RUNX1: variants seen among roughly 807,000 people sequenced by gnomAD.
RUNX1 encodes runt-related transcription factor 1.
Under a neutral mutation model 42.8 loss-of-function variants are expected in RUNX1, and 19 were observed. The observed-to-expected ratio is 0.44, with a 90% CI of 0.31 to 0.65. The LOEUF (loss-of-function observed/expected upper bound fraction) is 0.65, where lower values mean the gene tolerates loss of function less well. Ranked by LOEUF, RUNX1 falls within the 30% of genes least tolerant of loss-of-function variation. RUNX1 has a pLI of 0.07. For synonymous variants in RUNX1, 271 were observed against 289.4 expected, an observed-to-expected ratio of 0.94 and a Z score of 0.64; for missense variants, 528 against 672.0, an observed-to-expected ratio of 0.79 and a Z score of 2.37.
intron 2 of RUNX1, among the ~76,000 whole-genome samples, chr21:34,929,268 A>G (rs768849697): frequency 3.9e-5 from 6 of 152,236 alleles, no homozygotes; most frequent in Non-Finnish European, 8.8e-5. Context: ...ACACTTCTAT[A>G]GCAACACTGT....
intron 7 of RUNX1, among the ~76,000 whole-genome samples, chr21:34,813,217 A>G (rs747356554): frequency 1.6e-4 from 24 of 152,208 alleles, no homozygotes; most frequent in East Asian, 1.2e-3. Context: ...TCAACATCCT[A>G]CAATGCACAG....
At chr21:34,854,507 CCTGG>C (rs2057469173) in intron 6 of RUNX1, among the ~76,000 whole-genome samples, 1 of 151,656 alleles carries the variant, frequency 6.6e-6, no homozygotes, top group African/African-American at 2.4e-5. Flanking sequence ...CTCGCTAGAA[CCTGG>C]AAGGCGGAGG....
chr21:34,968,720 C>T (rs1287660832), intron 2 of RUNX1, among the ~76,000 whole-genome samples: 1 of 152,100 alleles, frequency 6.6e-6, no homozygotes, highest in African/African-American at 2.4e-5. Flanking sequence ...ATCCATGCAG[C>T]ATCTACTACT....
Position 34,788,343 on chromosome 21 carries a change from T to A in RUNX1, c.*3792A>T. The A allele has an allele frequency of 4.3e-6, 1 of 233,380 alleles. No homozygotes were observed. Among genetic ancestry groups the A allele is most frequent in the East Asian group, 6.1e-5 (1 of 16,526 alleles). 14.5% of individuals were successfully genotyped at this position (233,380 alleles called of 1,614,324 possible). A position where few individuals can be genotyped will look rare whatever the true frequency, so the allele number is the denominator to read the frequency against. ...TTTTATACATCCAGAATAACACAAA[T>A]AACCAACAGTTCTTTTTCTTTTTTT... On this transcript the variant is annotated 3_prime_UTR_variant, in exon 9 of 9. Coordinates refer to ENST00000675419, the MANE Select transcript of RUNX1 (RefSeq NM_001754.5).
chr21:34,935,463 G>A (rs1392007000), intron 2 of RUNX1, among the ~76,000 whole-genome samples: 1 of 152,152 alleles, frequency 6.6e-6, no homozygotes, highest in Non-Finnish European at 1.5e-5. Context: ...GTTTAAATAT[G>A]ACTTTGAACA....
At chr21:34,848,503 C>T (rs534166351) in intron 6 of RUNX1, among the ~76,000 whole-genome samples, 51 of 152,322 alleles carry the variant, frequency 3.3e-4, no homozygotes, top group African/African-American at 1.2e-3. Context: ...GGAGCAATCT[C>T]GGCTCACAGC....
chr21:34,841,241 T>C (rs1204903642), intron 6 of RUNX1, among the ~76,000 whole-genome samples: 1 of 152,130 alleles, frequency 6.6e-6, no homozygotes, highest in African/African-American at 2.4e-5. Context: ...CCTAAGCCTC[T>C]TAGAGGTGGA....
At chr21:34,848,321 C>T (rs923509929) in intron 6 of RUNX1, among the ~76,000 whole-genome samples, 1 of 152,212 alleles carries the variant, frequency 6.6e-6, no homozygotes, top group Non-Finnish European at 1.5e-5. Context: ...CCTCACATCC[C>T]CTAGCAAGAG....
intron 2 of RUNX1, among the ~76,000 whole-genome samples, chr21:35,041,470 A>G (rs1457877907): frequency 6.6e-6 from 1 of 152,104 alleles, no homozygotes; most frequent in Non-Finnish European, 1.5e-5. Flanking sequence ...AGTCCATCAA[A>G]AAATGGACAC....
intron 6 of RUNX1, among the ~76,000 whole-genome samples, chr21:34,844,753 G>C (rs1444296584): frequency 6.6e-6 from 1 of 152,146 alleles, no homozygotes; most frequent in African/African-American, 2.4e-5. Flanking sequence ...TGGGCCTCGG[G>C]GACTTTCCCA....
chr21:34,991,724 C>A (rs568968967), intron 2 of RUNX1, among the ~76,000 whole-genome samples: 6 of 152,268 alleles, frequency 3.9e-5, no homozygotes, highest in African/African-American at 1.4e-4. Context: ...GTGTAGTGTT[C>A]CCCAAAGTTC....
chr21:34,911,760 G>C (rs751700730), intron 2 of RUNX1, among the ~76,000 whole-genome samples: 1 of 152,082 alleles, frequency 6.6e-6, no homozygotes, highest in East Asian at 1.9e-4. Flanking sequence ...TGTCTCCCTC[G>C]GCTTGCTCTG....
At chr21:34,952,653 A>C (rs1019330583) in intron 2 of RUNX1, among the ~76,000 whole-genome samples, 14 of 152,198 alleles carry the variant, frequency 9.2e-5, no homozygotes, top group African/African-American at 3.4e-4. Flanking sequence ...TCTAGAAGGT[A>C]AAAAATAATG....
At chr21:34,955,232 AT>A (rs372415334) in intron 2 of RUNX1, among the ~76,000 whole-genome samples, 1,664 of 145,936 alleles carry the variant, frequency 0.011, 26 homozygotes, top group African/African-American at 0.031. Context: ...GAGGAAGTCT[AT>A]TTTTTTTTTT....
intron 2 of RUNX1, among the ~76,000 whole-genome samples, chr21:34,957,908 C>G (rs2058656204): frequency 6.6e-6 from 1 of 152,150 alleles, no homozygotes; most frequent in Non-Finnish European, 1.5e-5. Flanking sequence ...GGATGTCTGT[C>G]CCAGTAGCCA....
rs2298352 is a variant in RUNX1, at chr21:34,880,325, T to C, written c.508+232A>G. Among the ~76,000 whole-genome samples the C allele has an allele frequency of 0.23, 34,491 of 152,172 alleles. 4,278 individuals carry two copies. Among genetic ancestry groups the C allele is most frequent in the African/African-American group, 0.31 (12,668 of 41,500 alleles). ...TTCTTTGAAATTCACAATTCCTACG[T>C]TGCATGTTCCAAATCAGTCTTAAAT... On this transcript the variant is annotated intron_variant, in intron 5 of 8. Transcript: ENST00000675419.
At chr21:34,860,797 A>T (rs1359783380) in intron 5 of RUNX1, among the ~76,000 whole-genome samples, 1 of 152,212 alleles carries the variant, frequency 6.6e-6, no homozygotes, top group Non-Finnish European at 1.5e-5. Context: ...GCGTGTCTTA[A>T]TACAAAGGAA....
chr21:34,883,749 G>A (rs1186799376), intron 4 of RUNX1, among the ~76,000 whole-genome samples: 1 of 152,130 alleles, frequency 6.6e-6, no homozygotes, highest in African/African-American at 2.4e-5. Context: ...ACTGTTCTTG[G>A]CTAGCCTGTT....
At chr21:34,932,670 T>G (rs2058456472) in intron 2 of RUNX1, among the ~76,000 whole-genome samples, 1 of 152,156 alleles carries the variant, frequency 6.6e-6, no homozygotes, top group South Asian at 2.1e-4. Flanking sequence ...GGTTACTAAC[T>G]CAAGTAGTAG....
Sources: allele counts gnomAD v4.1 joint callset (sites outside exome capture counted in the v4.1 genomes callset), GRCh38; gene constraint gnomAD v4.1.1; transcripts MANE v1.5; gene names NCBI Gene and HGNC (gene_info 2026-07-23, HGNC 2026-07-21).